The following ADAM12 variants were observed in gnomAD, a reference collection of about 807,000 sequenced individuals.
ADAM12 encodes the protein disintegrin and metalloproteinase domain-containing protein 12.
Under a neutral mutation model 106.4 loss-of-function variants are expected in ADAM12, and 70 were observed. That is an observed-to-expected ratio of 0.66 (90% CI 0.54 to 0.80). The LOEUF (loss-of-function observed/expected upper bound fraction) is 0.80. ADAM12 is among the 30% of genes least tolerant of loss of function. The pLI, the probability that ADAM12 is intolerant of heterozygous loss-of-function variation, is 0.00. For missense variants in ADAM12, 1,010 were observed against 1,171.9 expected, an observed-to-expected ratio of 0.86 and a Z score of 2.02; for synonymous variants, 420 against 433.5, an observed-to-expected ratio of 0.97 and a Z score of 0.39.
intron 11 of ADAM12, among the ~76,000 whole-genome samples, chr10:126,093,768 C>G (rs1426951972): frequency 2.0e-5 from 3 of 152,246 alleles, no homozygotes; most frequent in African/African-American, 7.2e-5. Context: ...AAAAGGTCAG[C>G]CCTCTTCCTT....
In ADAM12 at chr10:126,330,451, A is replaced by G. The variant is rs749941243; in HGVS notation, c.147T>C (p.Ser49=). Residue 49 remains serine, a synonymous_variant, in exon 2 of 23, where the codon AGT becomes AGC. Transcript: ENST00000448723. The part of the protein sequence containing the change: ...ADEVVSASVG[S]GDLWIPVKSF... ...TCTTCACTGGGATCCAGAGGTCCCC[A>G]CTCCCAACAGAGGCACTGACAACTT... The G allele has an allele frequency of 5.0e-6, 8 of 1,613,782 alleles. No homozygotes were observed. In the Admixed American group the frequency reaches 8.3e-5, roughly 17 times the overall value.
At chr10:126,233,142 T>G in intron 3 of ADAM12, among the ~76,000 whole-genome samples, 1 of 150,822 alleles carries the variant, frequency 6.6e-6, no homozygotes. Context: ...GAGGTGGGAG[T>G]TCAAGGATGG....
At chr10:126,291,140 G>A (rs1960130955) in intron 2 of ADAM12, among the ~76,000 whole-genome samples, 1 of 152,108 alleles carries the variant, frequency 6.6e-6, no homozygotes, top group Non-Finnish European at 1.5e-5. Flanking sequence ...TTTGATGTCT[G>A]GAAACATTCA....
In ADAM12 at chr10:126,015,187, C is replaced by T. The variant is rs952778892; in HGVS notation, c.*2092G>A. The T allele has an allele frequency of 1.3e-5, 2 of 152,142 alleles. No homozygotes were observed. Among genetic ancestry groups the T allele is most frequent in the Non-Finnish European group, 2.9e-5 (2 of 68,022 alleles). The allele number at this position is 152,142 out of a possible 1,614,324, so 9.4% of individuals were successfully genotyped here. ...ACATGGCATAAGATCACAGTTTTAA[C>T]CTCCTTTAATATCAAACTCTCCTGG... On this transcript the variant is annotated 3_prime_UTR_variant, in exon 23 of 23. Coordinates refer to ENST00000448723, the MANE Select transcript of ADAM12 (RefSeq NM_001288973.2).
chr10:126,279,972 A>G (rs114823241), intron 2 of ADAM12, among the ~76,000 whole-genome samples: 2,133 of 152,320 alleles, frequency 0.014, 58 homozygotes, highest in African/African-American at 0.048. Context: ...GTATGAACGC[A>G]TGAGAATGAG....
At chr10:126,190,989 CCTTTTTTTTTTTTT>C (rs1232331769) in intron 3 of ADAM12, among the ~76,000 whole-genome samples, 24 of 68,726 alleles carry the variant, frequency 3.5e-4, no homozygotes, top group Admixed American at 7.5e-4. Flanking sequence ...GGAGTTTTGT[CCTTTTTTTTTTTTT>C]TTTTTTTTTT....
intron 21 of ADAM12, among the ~76,000 whole-genome samples, chr10:126,022,851 A>G (rs951950570): frequency 2.0e-5 from 3 of 152,262 alleles, no homozygotes; most frequent in African/African-American, 7.2e-5. Flanking sequence ...AAATCCAGGT[A>G]TGCTATTAAT....
chr10:126,332,706 G>A (rs1012875497), intron 1 of ADAM12, among the ~76,000 whole-genome samples: 3 of 152,144 alleles, frequency 2.0e-5, no homozygotes, highest in Non-Finnish European at 4.4e-5. Flanking sequence ...AGTAGAGGGA[G>A]CGCAAGACTT....
intron 3 of ADAM12, among the ~76,000 whole-genome samples, chr10:126,214,431 T>G (rs1296836885): frequency 2.6e-5 from 4 of 152,190 alleles, no homozygotes; most frequent in Non-Finnish European, 5.9e-5. Flanking sequence ...ATAGTACCTA[T>G]TATATAAATA....
chr10:126,216,788 C>T (rs1301784280), intron 3 of ADAM12, among the ~76,000 whole-genome samples: 1 of 152,216 alleles, frequency 6.6e-6, no homozygotes, highest in Non-Finnish European at 1.5e-5. Context: ...CCAGGGTGAC[C>T]CCGGCAGAAG....
At position 126,049,507 on chromosome 10, in the gene ADAM12, T is replaced by C; in HGVS notation, c.1718+54A>G. Reference sequence around the variant, plus strand: ...GAGAAACCATTTGGAACCAACCCTATGCAATGTGGGAAGGTCAGAGCAAAG... The same window carrying C: ...GAGAAACCATTTGGAACCAACCCTACGCAATGTGGGAAGGTCAGAGCAAAG... On this transcript the variant is annotated intron_variant, in intron 15 of 22. Transcript: ENST00000448723. The surrounding 1 kb of genome is among the most constrained non-coding windows in gnomAD (Gnocchi z 4.4). 1 of 1,613,538 alleles carries C rather than the reference T, an allele frequency of 6.2e-7. No homozygotes were observed. The highest frequency in any genetic ancestry group is 8.5e-7 in the Non-Finnish European group (1 of 1,179,442).
intron 2 of ADAM12, among the ~76,000 whole-genome samples, chr10:126,294,836 A>G (rs1960297512): frequency 6.6e-6 from 1 of 152,166 alleles, no homozygotes; most frequent in Non-Finnish European, 1.5e-5. Flanking sequence ...AAAATAGTTC[A>G]GAAAAGATTT....
At chr10:126,346,603 T>C (rs1298680300) in intron 1 of ADAM12, among the ~76,000 whole-genome samples, 1 of 152,238 alleles carries the variant, frequency 6.6e-6, no homozygotes, top group African/African-American at 2.4e-5. Flanking sequence ...CGTTGATCTG[T>C]CTAACGTTGA....
At chr10:126,305,344 T>C (rs1960797451) in intron 2 of ADAM12, among the ~76,000 whole-genome samples, 1 of 152,036 alleles carries the variant, frequency 6.6e-6, no homozygotes, top group South Asian at 2.1e-4. Context: ...ATTATGTTAA[T>C]CAAAAGGAGC....
intron 2 of ADAM12, among the ~76,000 whole-genome samples, chr10:126,305,955 T>C (rs1478480382): frequency 6.6e-6 from 1 of 152,052 alleles, no homozygotes; most frequent in Non-Finnish European, 1.5e-5. Flanking sequence ...CTGTAGGAAG[T>C]TCTATATTTA....
At chr10:126,022,015 ATAC>A (rs1760872607) in intron 21 of ADAM12, among the ~76,000 whole-genome samples, 1 of 152,192 alleles carries the variant, frequency 6.6e-6, no homozygotes, top group African/African-American at 2.4e-5. Context: ...ATAATTAGCA[ATAC>A]TAGTTTTGCT....
At chr10:126,320,213 A>G (rs1854047518) in intron 2 of ADAM12, among the ~76,000 whole-genome samples, 1 of 152,198 alleles carries the variant, frequency 6.6e-6, no homozygotes. Context: ...ATGCTGGTAA[A>G]ACACTAGTGT....
intron 1 of ADAM12, among the ~76,000 whole-genome samples, chr10:126,343,261 G>A (rs913006251): frequency 6.8e-6 from 1 of 146,918 alleles, no homozygotes; most frequent in African/African-American, 2.5e-5. Flanking sequence ...TCCCACCTAT[G>A]AGTGAGAACA....
At chr10:126,307,245 C>T (rs934692254) in intron 2 of ADAM12, among the ~76,000 whole-genome samples, 2 of 152,092 alleles carry the variant, frequency 1.3e-5, no homozygotes, top group South Asian at 2.1e-4. Flanking sequence ...TTTTGTTTTT[C>T]GTTTTTGCTG....
Sources: allele counts gnomAD v4.1 joint callset (sites outside exome capture counted in the v4.1 genomes callset), GRCh38; gene constraint gnomAD v4.1.1; non-coding constraint Gnocchi (gnomAD v3.1); transcripts MANE v1.5; gene names NCBI Gene and HGNC (gene_info 2026-07-23, HGNC 2026-07-21).